Variants in LRRC7 observed in about 807,000 individuals in gnomAD.
LRRC7 encodes leucine-rich repeat-containing protein 7.
In LRRC7, 23 loss-of-function variants were observed where a neutral mutation model predicts 175.7. The ratio of observed to expected loss-of-function variants is 0.13; its 90% CI spans 0.09 to 0.19. The LOEUF (loss-of-function observed/expected upper bound fraction) is 0.19, where lower values mean the gene tolerates loss of function less well. Among genes scored for constraint, LRRC7 ranks in the 10% least tolerant of loss-of-function variants. The pLI is 1.00. For missense variants in LRRC7, 1,354 were observed against 1,904.7 expected, an observed-to-expected ratio of 0.71 and a Z score of 5.38; for synonymous variants, 685 against 680.9, an observed-to-expected ratio of 1.01 and a Z score of -0.09.
intron 17 of LRRC7, 34 bp downstream of exon 17, chr1:70,023,408 C>T (rs768687095): frequency 1.3e-6 from 2 of 1,508,488 alleles, no homozygotes; most frequent in Non-Finnish European, 1.8e-6. Flanking sequence ...GAGAATCTCC[C>T]ATGTAGAGGC....
intron 23 of LRRC7, among the ~76,000 whole-genome samples, chr1:70,056,232 C>T (rs1002365501): frequency 1.3e-5 from 2 of 151,956 alleles, no homozygotes; most frequent in African/African-American, 4.8e-5. Context: ...AGAAGGATGG[C>T]CCAGAACTCC....
chr1:69,640,639 A>T, intron 1 of LRRC7, among the ~76,000 whole-genome samples: 1 of 148,496 alleles, frequency 6.7e-6, no homozygotes, highest in East Asian at 2.0e-4. Context: ...CTCTTTTGTC[A>T]TTTTTTTTTA....
chr1:70,003,294 T>C (rs988097836), intron 11 of LRRC7, among the ~76,000 whole-genome samples: 1 of 152,122 alleles, frequency 6.6e-6, no homozygotes, highest in African/African-American at 2.4e-5. Flanking sequence ...TACCATCACA[T>C]TGGGGATTAA....
chr1:69,963,201 A>G (rs1037637022), intron 8 of LRRC7, among the ~76,000 whole-genome samples: 3 of 151,166 alleles, frequency 2.0e-5, no homozygotes, highest in African/African-American at 7.3e-5. Flanking sequence ...GCTACTTGGG[A>G]GGCTGAGTCA....
At chr1:70,021,995 G>A (rs1372004080) in intron 16 of LRRC7, among the ~76,000 whole-genome samples, 1 of 152,064 alleles carries the variant, frequency 6.6e-6, no homozygotes, top group Non-Finnish European at 1.5e-5. Flanking sequence ...GCTAGATTGT[G>A]TGTTATGTTT....
intron 26 of LRRC7, among the ~76,000 whole-genome samples, chr1:70,111,323 C>T (rs150191638): frequency 2.6e-5 from 4 of 152,236 alleles, no homozygotes; most frequent in African/African-American, 9.6e-5. Flanking sequence ...TTAATTAAAA[C>T]ACATTCACAT....
intron 7 of LRRC7, among the ~76,000 whole-genome samples, chr1:69,908,098 A>G (rs183521867): frequency 2.6e-5 from 4 of 152,178 alleles, no homozygotes; most frequent in Non-Finnish European, 5.9e-5. Context: ...CTGTGACATC[A>G]GTGGTGATAT....
At chr1:69,884,045 G>A (rs1686916531) in intron 7 of LRRC7, among the ~76,000 whole-genome samples, 1 of 81,208 alleles carries the variant, frequency 1.2e-5, no homozygotes, top group Non-Finnish European at 2.6e-5. Context: ...AAGTCAGGTA[G>A]TGTGATGCCT....
At chr1:69,886,752 G>A (rs1350990566) in intron 7 of LRRC7, among the ~76,000 whole-genome samples, 2 of 151,148 alleles carry the variant, frequency 1.3e-5, no homozygotes, top group Non-Finnish European at 2.9e-5. Context: ...GCAGCGACTG[G>A]TACTGGTTGT....
chr1:69,888,176 C>T (rs1221151818), intron 7 of LRRC7, among the ~76,000 whole-genome samples: 1 of 151,534 alleles, frequency 6.6e-6, no homozygotes, highest in Non-Finnish European at 1.5e-5. Flanking sequence ...GCTTTGTTTA[C>T]CTAAGCAAGC....
intron 8 of LRRC7, among the ~76,000 whole-genome samples, chr1:69,939,698 G>A (rs141518446): frequency 5.3e-5 from 8 of 152,168 alleles, no homozygotes; most frequent in Middle Eastern, 3.4e-3. Context: ...CCATTTTGAC[G>A]TCATTTTCTC....
At chr1:69,592,531 A>G (rs756300817) in intron 1 of LRRC7, among the ~76,000 whole-genome samples, 1 of 152,194 alleles carries the variant, frequency 6.6e-6, no homozygotes, top group East Asian at 1.9e-4. Context: ...TAAATGTTCC[A>G]TCTAGCTGGC....
At chr1:70,106,684 C>T (rs767432977) in intron 25 of LRRC7, among the ~76,000 whole-genome samples, 178 of 152,228 alleles carry the variant, frequency 1.2e-3, no homozygotes, top group Non-Finnish European at 1.6e-3. Context: ...TCCTCTGCTG[C>T]GCTCCCAATC....
intron 1 of LRRC7, among the ~76,000 whole-genome samples, chr1:69,576,584 T>A (rs1348075271): frequency 6.6e-6 from 1 of 152,202 alleles, no homozygotes; most frequent in African/African-American, 2.4e-5. Flanking sequence ...GATATCTACA[T>A]ACATACACAG....
intron 7 of LRRC7, among the ~76,000 whole-genome samples, chr1:69,844,902 A>G (rs554670762): frequency 6.6e-5 from 10 of 152,282 alleles, no homozygotes; most frequent in African/African-American, 2.4e-4. Flanking sequence ...CAACACAGAT[A>G]AAATTATTAA....
At chr1:69,783,688 G>T (rs981293925) in intron 3 of LRRC7, among the ~76,000 whole-genome samples, 8 of 144,556 alleles carry the variant, frequency 5.5e-5, no homozygotes, top group Non-Finnish European at 1.0e-4. Context: ...GGAGGAGGAG[G>T]TTGCAGTGAG....
chr1:69,885,176 G>C (rs1197727571), intron 7 of LRRC7, among the ~76,000 whole-genome samples: 1 of 112,358 alleles, frequency 8.9e-6, no homozygotes, highest in Non-Finnish European at 1.9e-5. Context: ...GATTGGAATA[G>C]TTTCAGAAGG....
At chr1:69,716,523 G>A (rs1009315380) in intron 2 of LRRC7, among the ~76,000 whole-genome samples, 2 of 151,786 alleles carry the variant, frequency 1.3e-5, no homozygotes, top group African/African-American at 4.8e-5. Flanking sequence ...CATAAAAAGA[G>A]TAAATGAATC....
intron 7 of LRRC7, among the ~76,000 whole-genome samples, chr1:69,886,356 C>G (rs1687197202): frequency 6.7e-6 from 1 of 150,144 alleles, no homozygotes; most frequent in African/African-American, 2.4e-5. Flanking sequence ...GAATTGATCC[C>G]TTTACCATTA....
Sources: gnomAD v4.1 joint callset for allele counts (sites outside exome capture counted in the v4.1 genomes callset) on GRCh38, gnomAD v4.1.1 for gene constraint, MANE v1.5 for transcripts, NCBI Gene and HGNC (gene_info 2026-07-23, HGNC 2026-07-21) for gene names.